The following SLC38A10 variants were observed in gnomAD, a reference collection of about 807,000 sequenced individuals.
SLC38A10 encodes Sodium-coupled neutral amino acid transporter 10.
SLC38A10 carries 53 observed loss-of-function variants against 81.0 expected under a neutral mutation model. That is an observed-to-expected ratio of 0.65 (90% CI 0.53 to 0.82). The LOEUF (loss-of-function observed/expected upper bound fraction) is 0.82, where lower values mean the gene tolerates loss of function less well. Among genes scored for constraint, SLC38A10 ranks in the 40% least tolerant of loss-of-function variants. The probability of loss-of-function intolerance (pLI) is 0.00; values close to 1 mark genes in which losing one functional copy is unlikely to be tolerated. For synonymous variants in SLC38A10, 665 were observed against 655.3 expected (o/e 1.01, Z -0.23); for missense variants, 1,471 against 1,545.0 (o/e 0.95, Z 0.80).
rs192709342 is a variant in SLC38A10, at chr17:81,277,190, G to A, written c.627-57C>T. 1.6e-5 allele frequency: 25 copies of A among 1,516,250 alleles called. No homozygotes were observed. The highest frequency in any genetic ancestry group is 6.8e-5 in the East Asian group (3 of 44,168). 93.9% of individuals were successfully genotyped at this position (1,516,250 alleles called of 1,614,324 possible). A position where few individuals can be genotyped will look rare whatever the true frequency, so the allele number is the denominator to read the frequency against. ...CTGAGAGAGGCACGCCCTCCCCAGC[G>A]GCTCCACTTCTAGGACCTCTCTGCA... is the stretch of plus-strand genomic sequence containing the variant. On this transcript the variant is annotated intron_variant, in intron 6 of 15. Coordinates refer to ENST00000374759, the MANE Select transcript of SLC38A10 (RefSeq NM_001037984.3). The surrounding 1 kb of genome is among the most constrained non-coding windows in gnomAD (Gnocchi z 4.5).
chr17:81,289,654 C>A lies in SLC38A10; in HGVS notation c.217+37G>T. The A allele has an allele frequency of 6.8e-7, 1 of 1,471,638 alleles. No homozygotes were observed. The highest frequency in any genetic ancestry group is 9.2e-7 in the Non-Finnish European group (1 of 1,083,960). 91.2% of individuals were successfully genotyped at this position (1,471,638 alleles called of 1,614,324 possible). ...AAATAAATGGAATAAGGCCCCCGCC[C>A]CAGGTCCAGAGCCACCTTGTGGAGA... On this transcript the variant is annotated intron_variant, in intron 2 of 15. Coordinates refer to ENST00000374759, the MANE Select transcript of SLC38A10 (RefSeq NM_001037984.3). This position sits in a 1 kb window ranked among gnomAD's most constrained non-coding sequence, Gnocchi z 5.9.
chr17:81,275,879 C>T (rs981405789), intron 8 of SLC38A10, 90 bp downstream of exon 8: 6 of 1,429,918 alleles, frequency 4.2e-6, no homozygotes, highest in African/African-American at 1.4e-5. Context: ...CACTTTCCTG[C>T]TATATCTCTG....
Position 81,281,037 on chromosome 17 carries a change from T to C in SLC38A10, c.502-304A>G, listed in dbSNP as rs1468496535. On this transcript the variant is annotated intron_variant, in intron 5 of 15. Transcript: ENST00000374759. This position sits in a 1 kb window ranked among gnomAD's most constrained non-coding sequence, Gnocchi z 5.3. ...GCAGACGGGAGGAGACCACTGAGCA[T>C]GCATGGCCCCAGTTTCCGTCGGTTA... Among the ~76,000 whole-genome samples, 1 of 152,216 alleles carries C rather than the reference T, an allele frequency of 6.6e-6. No homozygotes were observed. Among genetic ancestry groups the C allele is most frequent in the Non-Finnish European group, 1.5e-5 (1 of 68,032 alleles).
intron 1 of SLC38A10, among the ~76,000 whole-genome samples, chr17:81,292,881 C>T (rs575542203): frequency 2.6e-5 from 4 of 152,314 alleles, no homozygotes; most frequent in South Asian, 2.1e-4. Flanking sequence ...CGGTGGCTCA[C>T]GCCTGTAATC....
chr17:81,268,821 T>C (rs1467991943), intron 10 of SLC38A10, among the ~76,000 whole-genome samples: 1 of 152,168 alleles, frequency 6.6e-6, no homozygotes, highest in African/African-American at 2.4e-5. Flanking sequence ...TAACTGTAAA[T>C]AGTCTTAAAT....
chr17:81,251,173 C>T (rs755244392), intron 14 of SLC38A10: 6 of 1,526,388 alleles, frequency 3.9e-6, no homozygotes, highest in African/African-American at 2.8e-5. Context: ...GCTTTAAAGA[C>T]GAAATGGTAA....
At chr17:81,251,982 C>CT in intron 13 of SLC38A10, 1 of 735,188 alleles carries the variant, frequency 1.4e-6, no homozygotes, top group Non-Finnish European at 2.1e-6. Context: ...AGTGGTCTGG[C>CT]AAACAACTGT....
Position 81,245,555 on chromosome 17 carries a change from G to A in SLC38A10, c.*1C>T. ...GGCGTGGCCCTCATGGCCAGCAGGTGCTAGGACTCCTCTGGAGGCCCAGGC... is the reference window on the plus strand; with the variant it reads ...GGCGTGGCCCTCATGGCCAGCAGGTACTAGGACTCCTCTGGAGGCCCAGGC... On this transcript the variant is annotated 3_prime_UTR_variant, in exon 16 of 16. Transcript: ENST00000374759. 6.2e-7 allele frequency: 1 copy of A among 1,601,524 alleles called. No individual in the cohort carries two copies. Among genetic ancestry groups the A allele is most frequent in the Non-Finnish European group, 8.5e-7 (1 of 1,174,338 alleles).
rs374323676 is a variant in SLC38A10, at chr17:81,282,419, C to G, written c.358-87G>C. The stretch of plus-strand genomic sequence containing the variant: ...GCACTGACAGGGAGTGGGAGCGCCC[C>G]GAGCCCGAAAGCCGACGGCATCCAG... On this transcript the variant is annotated intron_variant, in intron 4 of 15. Transcript: ENST00000374759. 19 of 1,513,626 alleles carry G rather than the reference C, an allele frequency of 1.3e-5. No homozygotes were observed. The African/African-American group carries it at 2.3e-4, about 19-fold the overall frequency. 93.8% of individuals were successfully genotyped at this position (1,513,626 alleles called of 1,614,324 possible).
At chr17:81,269,887 C>T (rs1242763261) in intron 10 of SLC38A10, among the ~76,000 whole-genome samples, 1 of 152,070 alleles carries the variant, frequency 6.6e-6, no homozygotes, top group Non-Finnish European at 1.5e-5. Flanking sequence ...TCACTTGAAC[C>T]TGGGAGGCGG....
chr17:81,272,632 A>G lies in SLC38A10; in HGVS notation c.913-5T>C, dbSNP rs777763050. On this transcript the variant is annotated splice_polypyrimidine_tract_variant and splice_region_variant and intron_variant, in intron 8 of 15. Coordinates refer to ENST00000374759, the MANE Select transcript of SLC38A10 (RefSeq NM_001037984.3). ...TGCAAAGGTGCCATCTTTTTGCTGT[A>G]CAAAAGAAAAACAAAAGGTTTTGAA... 1 of 1,534,922 alleles carries G rather than the reference A, an allele frequency of 6.5e-7. No homozygotes were observed. The highest frequency in any genetic ancestry group is 1.2e-5 in the South Asian group (1 of 80,418).
chr17:81,274,444 T>C (rs2063143552), intron 8 of SLC38A10, among the ~76,000 whole-genome samples: 1 of 152,224 alleles, frequency 6.6e-6, no homozygotes, highest in African/African-American at 2.4e-5. Flanking sequence ...CTGGATTCTC[T>C]GAGACCACTC....
At chr17:81,260,954 C>G (rs1034141194) in intron 10 of SLC38A10, among the ~76,000 whole-genome samples, 1 of 152,236 alleles carries the variant, frequency 6.6e-6, no homozygotes, top group African/African-American at 2.4e-5. Flanking sequence ...GACGCAGGCC[C>G]GTGCGCATGA....
intron 8 of SLC38A10, 137 bp downstream of exon 8, chr17:81,275,832 A>G (rs562587251): frequency 6.5e-5 from 65 of 1,006,264 alleles, no homozygotes; most frequent in Admixed American, 2.5e-4. Context: ...GGCTCCCCCA[A>G]CTTCCGCCCT....
rs551696521 is a variant in SLC38A10 at position 81,256,406 on chromosome 17, G to A, written c.1289-3166C>T. On this transcript the variant is annotated intron_variant, in intron 11 of 15. Coordinates refer to ENST00000374759, the MANE Select transcript of SLC38A10 (RefSeq NM_001037984.3). ...ACGGACGGGCGGGGAGGCCAGCGAC[G>A]CTGCCGTCCGGACCCCAAGAGTCGG... 1.7e-3 allele frequency among the ~76,000 whole-genome samples: 262 copies of A among 152,318 alleles called. 1 individual carries two copies. Among genetic ancestry groups the A allele is most frequent in the African/African-American group, 6.0e-3 (251 of 41,570 alleles).
At chr17:81,258,815 C>G (rs2062995363) in intron 11 of SLC38A10, among the ~76,000 whole-genome samples, 1 of 152,232 alleles carries the variant, frequency 6.6e-6, no homozygotes, top group African/African-American at 2.4e-5. Context: ...GTCCGAATTA[C>G]CAAATCCAAC....
Position 81,288,291 on chromosome 17 carries a change from CCT to C in SLC38A10, c.217+1398_217+1399del, listed in dbSNP as rs1034634398. On this transcript the variant is annotated intron_variant, in intron 2 of 15. Coordinates refer to ENST00000374759, the MANE Select transcript of SLC38A10 (RefSeq NM_001037984.3). The surrounding 1 kb of genome is among the most constrained non-coding windows in gnomAD (Gnocchi z 5.4). The stretch of plus-strand genomic sequence containing the variant: ...CTAAACACCATTTCCTCTCCCGCCA[CCT>C]CCTCACTCTGCCGCGGGAGCTGTGA... 2.0e-5 allele frequency among the ~76,000 whole-genome samples: 3 copies of C among 152,236 alleles called. No individual in the cohort carries two copies. The highest frequency in any genetic ancestry group is 1.3e-4 in the Admixed American group (2 of 15,284).
chr17:81,293,701 G>A (rs2063327333), intron 1 of SLC38A10, among the ~76,000 whole-genome samples: 1 of 152,054 alleles, frequency 6.6e-6, no homozygotes, highest in South Asian at 2.1e-4. Flanking sequence ...AAATTTTTTG[G>A]ATATTTTTAT....
rs138424750 is a variant in SLC38A10, at chr17:81,279,610, G to A, written c.626+999C>T. 438 of 153,252 alleles carry A rather than the reference G, an allele frequency of 2.9e-3. 1 individual carries two copies. Among genetic ancestry groups the A allele is most frequent in the Non-Finnish European group, 5.1e-3 (349 of 68,522 alleles). The allele number at this position is 153,252 out of a possible 1,614,324, so 9.5% of individuals were successfully genotyped here. A position where few individuals can be genotyped will look rare whatever the true frequency, so the allele number is the denominator to read the frequency against. On this transcript the variant is annotated intron_variant, in intron 6 of 15. Transcript: ENST00000374759. ...GAAGGAAAGCTGCACTTGTTGAGCC[G>A]CACGCTCCAGCGCTTCAACCCAGCA...
Sources: allele counts gnomAD v4.1 joint callset (sites outside exome capture counted in the v4.1 genomes callset), GRCh38; gene constraint gnomAD v4.1.1; non-coding constraint Gnocchi (gnomAD v3.1); transcripts MANE v1.5; gene names NCBI Gene and HGNC (gene_info 2026-07-23, HGNC 2026-07-21).